The following SYN3 variants were observed in gnomAD, a reference collection of about 807,000 sequenced individuals.
SYN3 encodes the protein synapsin-3.
SYN3 carries 35 observed loss-of-function variants against 65.8 expected under a neutral mutation model. The observed-to-expected ratio is 0.53, with a 90% confidence interval of 0.41 to 0.70. SYN3 has a LOEUF of 0.70. Among genes scored for constraint, SYN3 ranks in the 30% least tolerant of loss-of-function variants. The pLI is 0.00. For missense variants in SYN3, 680 were observed against 749.0 expected, an observed-to-expected ratio of 0.91 and a Z score of 1.08; for synonymous variants, 270 against 292.9, an observed-to-expected ratio of 0.92 and a Z score of 0.80.
At chr22:32,815,750 G>C (rs954712524) in intron 6 of SYN3, among the ~76,000 whole-genome samples, 11 of 152,160 alleles carry the variant, frequency 7.2e-5, no homozygotes, top group African/African-American at 2.7e-4. Flanking sequence ...AGAGAGACTA[G>C]GTAACTTACC....
At chr22:32,580,049 T>C (rs1039786710) in intron 7 of SYN3, among the ~76,000 whole-genome samples, 7 of 152,352 alleles carry the variant, frequency 4.6e-5, no homozygotes, top group Admixed American at 6.5e-5. Flanking sequence ...AGGACAGGGC[T>C]TTCCGCTGTC....
chr22:32,827,071 C>T lies in SYN3; in HGVS notation c.711+37844G>A, dbSNP rs186168513. 4.1e-3 allele frequency among the ~76,000 whole-genome samples: 621 copies of T among 152,284 alleles called. 2 individuals are homozygous for T. The highest frequency in any genetic ancestry group is 0.014 in the Middle Eastern group (4 of 294). On this transcript the variant is annotated intron_variant, in intron 6 of 13. Coordinates refer to ENST00000358763, the MANE Select transcript of SYN3 (RefSeq NM_003490.4). ...CTGGAGTTTTGCTGATCATTGACCT[C>T]GCAGGGGCCCACTCTGAAGTTAAAA...
intron 3 of SYN3, among the ~76,000 whole-genome samples, chr22:32,975,368 C>T (rs1341483793): frequency 7.3e-6 from 1 of 137,352 alleles, no homozygotes; most frequent in Non-Finnish European, 1.6e-5. Context: ...AGTGAGACTC[C>T]GCCTCAAAAA....
chr22:32,983,303 T>C (rs992647689), intron 2 of SYN3, among the ~76,000 whole-genome samples: 4 of 152,206 alleles, frequency 2.6e-5, no homozygotes, highest in Admixed American at 2.0e-4. Context: ...ATGGATAATT[T>C]TTTAAGCATT....
chr22:32,866,217 C>T (rs779621501), intron 5 of SYN3, among the ~76,000 whole-genome samples: 13 of 152,130 alleles, frequency 8.5e-5, no homozygotes, highest in Admixed American at 7.2e-4. Context: ...GAGTGGCCAA[C>T]CTGACTTGGA....
At chr22:32,586,050 ATGTGTATATG>A (rs2059031371) in intron 7 of SYN3, among the ~76,000 whole-genome samples, 1 of 143,788 alleles carries the variant, frequency 7.0e-6, no homozygotes, top group Non-Finnish European at 1.5e-5. Flanking sequence ...ATATGTATAT[ATGTGTATATG>A]TATATATGTA....
intron 4 of SYN3, among the ~76,000 whole-genome samples, chr22:32,891,338 C>T (rs1216254488): frequency 6.6e-6 from 1 of 152,170 alleles, no homozygotes; most frequent in Non-Finnish European, 1.5e-5. Flanking sequence ...AAAATCCCTA[C>T]AACACTTTCT....
At chr22:32,977,908 A>G (rs1394568600) in intron 3 of SYN3, among the ~76,000 whole-genome samples, 1 of 152,092 alleles carries the variant, frequency 6.6e-6, no homozygotes. Context: ...CATAGTCTCC[A>G]CCCTCATGCA....
intron 6 of SYN3, among the ~76,000 whole-genome samples, chr22:32,780,991 T>TTC (rs2046043216): frequency 7.7e-6 from 1 of 130,264 alleles, no homozygotes. Flanking sequence ...CCTTCCTTCC[T>TTC]CTCTCTCACC....
intron 6 of SYN3, among the ~76,000 whole-genome samples, chr22:32,740,226 T>C (rs2061387636): frequency 6.6e-6 from 1 of 152,192 alleles, no homozygotes; most frequent in South Asian, 2.1e-4. Flanking sequence ...GTTCATTCAC[T>C]AGATAAATAC....
Position 32,513,563 on chromosome 22 carries a change from A to G in SYN3, c.*129T>C. The G allele has an allele frequency of 8.1e-7, 1 of 1,237,314 alleles. No individual in the cohort carries two copies. The highest frequency in any genetic ancestry group is 1.5e-5 in the South Asian group (1 of 65,272). The allele number at this position is 1,237,314 out of a possible 1,614,324, so 76.6% of individuals were successfully genotyped here. On this transcript the variant is annotated 3_prime_UTR_variant, in exon 14 of 14. Coordinates refer to ENST00000358763, the MANE Select transcript of SYN3 (RefSeq NM_003490.4). ...ATATAGATAATCGGTTCCTGGGTCA[A>G]AGGCATTTAGAAAGTATGTTCTCAG...
At chr22:32,873,963 C>CA (rs2048918496) in intron 4 of SYN3, among the ~76,000 whole-genome samples, 1 of 148,862 alleles carries the variant, frequency 6.7e-6, no homozygotes, top group Non-Finnish European at 1.5e-5. Context: ...CCCATCTCTA[C>CA]AAAAAATACA....
In SYN3 at chr22:32,996,354, A is replaced by G. The variant is rs117316024; in HGVS notation, c.311+9998T>C. ...AAAAACTAAGCACCCACACTGAAAA[A>G]CAGCTGTGGAGGAGAGGAACTCGGC... On this transcript the variant is annotated intron_variant, in intron 2 of 13. Coordinates refer to ENST00000358763, the MANE Select transcript of SYN3 (RefSeq NM_003490.4). Among the ~76,000 whole-genome samples, 111 of 152,184 alleles carry G rather than the reference A, an allele frequency of 7.3e-4. 1 individual carries two copies. The East Asian group carries it at 0.018, about 25-fold the overall frequency.
intron 6 of SYN3, among the ~76,000 whole-genome samples, chr22:32,742,604 T>C (rs62234591): frequency 0.13 from 19,166 of 152,166 alleles, 1,523 homozygotes; most frequent in Middle Eastern, 0.21. Flanking sequence ...AAACAGAGGA[T>C]CAGAGTAGAA....
intron 7 of SYN3, among the ~76,000 whole-genome samples, chr22:32,558,918 G>C (rs2058543555): frequency 6.6e-6 from 1 of 152,230 alleles, no homozygotes; most frequent in African/African-American, 2.4e-5. Flanking sequence ...AGGCTGGGGT[G>C]GGGCACTGGT....
At chr22:32,984,192 G>T (rs923499332) in intron 2 of SYN3, among the ~76,000 whole-genome samples, 3 of 114,562 alleles carry the variant, frequency 2.6e-5, no homozygotes, top group African/African-American at 1.0e-4. Flanking sequence ...AAAAGAAAAA[G>T]AAAAGAAAAA....
At chr22:33,004,853 G>C (rs565540756) in intron 2 of SYN3, among the ~76,000 whole-genome samples, 1 of 152,252 alleles carries the variant, frequency 6.6e-6, no homozygotes, top group South Asian at 2.1e-4. Flanking sequence ...GGAATGATAT[G>C]GTTTGGCTGT....
chr22:32,948,445 A>C (rs530436668), intron 3 of SYN3, among the ~76,000 whole-genome samples: 1 of 152,236 alleles, frequency 6.6e-6, no homozygotes, highest in South Asian at 2.1e-4. Context: ...CCATTAAGAA[A>C]ATCTCTTTGG....
In SYN3 at chr22:32,712,555, G is replaced by A. The variant is rs750579057; in HGVS notation, c.712-115819C>T. ...GCCTCTTGTCATAATCAGCCCGAGCGGGGATAGCTCACAAGACCATGTGAT... is the reference window on the plus strand; with the variant it reads ...GCCTCTTGTCATAATCAGCCCGAGCAGGGATAGCTCACAAGACCATGTGAT... On this transcript the variant is annotated intron_variant, in intron 6 of 13. Coordinates refer to ENST00000358763, the MANE Select transcript of SYN3 (RefSeq NM_003490.4). Among the ~76,000 whole-genome samples, 5 of 152,058 alleles carry A rather than the reference G, an allele frequency of 3.3e-5. No individual in the cohort carries two copies. In the South Asian group the frequency reaches 6.2e-4, roughly 19 times the overall value.
Sources: allele counts gnomAD v4.1 joint callset (sites outside exome capture counted in the v4.1 genomes callset), GRCh38; gene constraint gnomAD v4.1.1; transcripts MANE v1.5; gene names NCBI Gene and HGNC (gene_info 2026-07-23, HGNC 2026-07-21).